SLC29A4: variants seen among roughly 807,000 people sequenced by gnomAD.
SLC29A4 encodes solute carrier family 29 member 4.
A neutral mutation model predicts 43.9 loss-of-function variants in SLC29A4; 36 were observed. The ratio of observed to expected loss-of-function variants is 0.82; its 90% confidence interval spans 0.63 to 1.08. SLC29A4 has a LOEUF of 1.08. SLC29A4 is among the 50% of genes least tolerant of loss of function. The pLI is 0.00. For synonymous variants in SLC29A4, 491 were observed against 338.0 expected (o/e 1.45, Z -4.97); for missense variants, 869 against 755.3 (o/e 1.15, Z -1.77).
rs144364439 is a variant in SLC29A4 at position 5,297,082 on chromosome 7, C to T, written c.766C>T (p.Arg256Cys). 7,246 of 1,607,898 alleles carry T rather than the reference C, an allele frequency of 4.5e-3. 34 individuals are homozygous for T. Among genetic ancestry groups the T allele is most frequent in the Non-Finnish European group, 4.9e-3 (5,768 of 1,179,758 alleles). Residue 256 changes from arginine (R) to cysteine (C), a missense_variant, in exon 7 of 11, where the codon CGC (arginine) becomes TGC (cysteine). Coordinates refer to ENST00000396872, the MANE Select transcript of SLC29A4 (RefSeq NM_153247.4). The part of the protein sequence containing the change: ...FLLHLLVRRS[R>C]FVLFYTTRPR... ...GCTGCACCTGTTAGTGCGGCGCAGCCGCTTCGTGCTCTTCTATACCACACG... is the reference window on the plus strand; with the variant it reads ...GCTGCACCTGTTAGTGCGGCGCAGCTGCTTCGTGCTCTTCTATACCACACG...
chr7:5,286,191 G>C (rs1784934476), intron 1 of SLC29A4, among the ~76,000 whole-genome samples: 1 of 152,056 alleles, frequency 6.6e-6, no homozygotes, highest in Non-Finnish European at 1.5e-5. Context: ...GACGAGCACA[G>C]ATCCTTTCTG....
At chr7:5,297,390 C>G (rs988033926) in intron 7 of SLC29A4, among the ~76,000 whole-genome samples, 192 bp downstream of exon 7, 7 of 152,234 alleles carry the variant, frequency 4.6e-5, no homozygotes, top group Admixed American at 2.0e-4. Context: ...TACTGGCACC[C>G]CACGTCTCGT....
At position 5,299,026 on chromosome 7, in the gene SLC29A4, A is replaced by G. The variant is rs777592937; in HGVS notation, c.921A>G (p.Pro307=). The part of the protein sequence containing the change: ...PAPALAPNES[P]KDSPAHEVTG... ...CGGCCCTGGCCCCCAACGAGTCCCC[A>G]AAGGACAGCCCAGCCCACGAGGTGA... is the stretch of plus-strand genomic sequence containing the variant. The change falls in exon 8 of 11, where the codon CCA becomes CCG. Residue 307 remains proline, a synonymous_variant. Transcript: ENST00000396872. 39 of 1,611,668 alleles carry G rather than the reference A, an allele frequency of 2.4e-5. No individual in the cohort carries two copies. Among genetic ancestry groups the G allele is most frequent in the Non-Finnish European group, 3.2e-5 (38 of 1,179,792 alleles).
chr7:5,286,649 C>T (rs3892946), intron 1 of SLC29A4, among the ~76,000 whole-genome samples: 124,996 of 152,170 alleles, frequency 0.82, 51,943 homozygotes, highest in African/African-American at 0.92. Flanking sequence ...TTCCTTTCCT[C>T]CCGAAGGTCA....
chr7:5,289,269 C>T (rs1230636752), intron 2 of SLC29A4, among the ~76,000 whole-genome samples: 4 of 151,944 alleles, frequency 2.6e-5, no homozygotes, highest in Admixed American at 6.6e-5. Flanking sequence ...TGGTGGCACA[C>T]GCCTGTAATC....
At chr7:5,300,838 T>G (rs1310643643) in intron 10 of SLC29A4, among the ~76,000 whole-genome samples, 176 bp downstream of exon 10, 3 of 152,212 alleles carry the variant, frequency 2.0e-5, no homozygotes. Context: ...TTCACTCATT[T>G]ATTCGTTCGT....
At chr7:5,293,760 C>A (rs1214260803) in intron 5 of SLC29A4, among the ~76,000 whole-genome samples, 1 of 152,088 alleles carries the variant, frequency 6.6e-6, no homozygotes, top group South Asian at 2.1e-4. Flanking sequence ...GAGGCCAGGC[C>A]CCCCACATAG....
intron 6 of SLC29A4, among the ~76,000 whole-genome samples, chr7:5,296,508 C>T (rs1443854741): frequency 7.7e-5 from 7 of 90,882 alleles, no homozygotes; most frequent in Admixed American, 2.5e-4. Context: ...GAGGGAGCGG[C>T]AGGGGGTGGG....
intron 4 of SLC29A4, 140 bp from the exon 5 acceptor site, chr7:5,291,553 A>T (rs73332838): frequency 0.086 from 101,464 of 1,173,236 alleles, 4,883 homozygotes; most frequent in African/African-American, 0.16. Context: ...TGCCCCTGTT[A>T]GACTCGTAAA....
chr7:5,283,668 C>T (rs553527834), intron 1 of SLC29A4, among the ~76,000 whole-genome samples: 2 of 152,172 alleles, frequency 1.3e-5, no homozygotes, highest in Admixed American at 6.5e-5. Context: ...AGGGGGTGGC[C>T]GGAGGGGCTT....
intron 7 of SLC29A4, among the ~76,000 whole-genome samples, chr7:5,298,674 G>A (rs1351118181): frequency 6.6e-6 from 1 of 152,116 alleles, no homozygotes. Flanking sequence ...ATGGCGCATG[G>A]CTGTAGTCCC....
At chr7:5,298,815 A>G (rs998286718) in intron 7 of SLC29A4, among the ~76,000 whole-genome samples, 173 bp from the exon 8 acceptor site, 1 of 152,160 alleles carries the variant, frequency 6.6e-6, no homozygotes, top group Non-Finnish European at 1.5e-5. Flanking sequence ...CAAGAAAGAA[A>G]TGTGAAGTGA....
chr7:5,288,011 G>A (rs1404636491), intron 2 of SLC29A4, 26 bp downstream of exon 2: 14 of 1,589,444 alleles, frequency 8.8e-6, no homozygotes, highest in African/African-American at 2.7e-5. Flanking sequence ...GGCAAGGTGC[G>A]GGTCTTGCCC....
At position 5,282,961 on chromosome 7, in the gene SLC29A4, C is replaced by G. The variant is rs1472373532; in HGVS notation, c.-130C>G. The G allele has an allele frequency of 1.0e-3, 76 of 75,404 alleles. No individual in the cohort carries two copies. The highest frequency in any genetic ancestry group is 3.1e-3 in the African/African-American group (62 of 19,794). The allele number at this position is 75,404 out of a possible 1,614,324, so 4.7% of individuals were successfully genotyped here. On this transcript the variant is annotated 5_prime_UTR_variant, in exon 1 of 11. Transcript: ENST00000396872. ...CCTGGGCTGTGCTCGTCGCCGCGCTCGTGGACCGGGGCCGGGCGGACTCGG... is the reference window on the plus strand; with the variant it reads ...CCTGGGCTGTGCTCGTCGCCGCGCTGGTGGACCGGGGCCGGGCGGACTCGG...
Position 5,302,805 on chromosome 7 carries a change from A to G in SLC29A4, c.1459A>G (p.Met487Val). 2 of 1,559,344 alleles carry G rather than the reference A, an allele frequency of 1.3e-6. No homozygotes were observed. The highest frequency in any genetic ancestry group is 1.2e-5 in the South Asian group (1 of 84,666). The change falls in exon 11 of 11, where the codon ATG (methionine) becomes GTG (valine). Residue 487 changes from methionine (M) to valine (V), a missense_variant. Transcript: ENST00000396872. ...PKQRELAGNTMTVSYMSGLTL... is the reference protein window; with the variant it reads ...PKQRELAGNTVTVSYMSGLTL... ...GCTGGTGTTGTCCACAGGGAACACCATGACCGTGTCCTACATGTCAGGGCT... is the reference window on the plus strand; with the variant it reads ...GCTGGTGTTGTCCACAGGGAACACCGTGACCGTGTCCTACATGTCAGGGCT...
chr7:5,284,043 C>CA (rs1554260997), intron 1 of SLC29A4, among the ~76,000 whole-genome samples: 5 of 64,716 alleles, frequency 7.7e-5, no homozygotes, highest in Admixed American at 1.2e-4. Flanking sequence ...CCCCCCCCCC[C>CA]ACCCCCGACT....
chr7:5,289,698 C>A (rs1253975545), intron 2 of SLC29A4, among the ~76,000 whole-genome samples: 1 of 151,944 alleles, frequency 6.6e-6, no homozygotes, highest in African/African-American at 2.4e-5. Context: ...CCATCACGGT[C>A]CCCCCCTTGC....
intron 5 of SLC29A4, among the ~76,000 whole-genome samples, chr7:5,294,515 T>A (rs1785517979): frequency 6.6e-6 from 1 of 152,164 alleles, no homozygotes; most frequent in Non-Finnish European, 1.5e-5. Context: ...TCTCAGGGCC[T>A]CAGGCAGACA....
chr7:5,291,175 C>G lies in SLC29A4; in HGVS notation c.353C>G (p.Ala118Gly). The change falls in exon 4 of 11, where the codon GCA becomes GGA. Residue 118 changes from alanine to glycine, a missense_variant. Coordinates refer to ENST00000396872, the MANE Select transcript of SLC29A4 (RefSeq NM_153247.4). ...MSLTYILVAL[A>G]AVLLNNVLVE... is the part of the protein sequence containing the mutation. ...CTCACCTACATCTTGGTGGCACTGG[C>G]AGCTGTCCTCCTGAACAACGTCCTG... The G allele has an allele frequency of 6.2e-7, 1 of 1,613,894 alleles. No individual in the cohort carries two copies. Among genetic ancestry groups the G allele is most frequent in the Non-Finnish European group, 8.5e-7 (1 of 1,180,028 alleles).
Sources: gnomAD v4.1 joint callset for allele counts (sites outside exome capture counted in the v4.1 genomes callset) on GRCh38, gnomAD v4.1.1 for gene constraint, MANE v1.5 for transcripts, NCBI Gene and HGNC (gene_info 2026-07-23, HGNC 2026-07-21) for gene names.